The following FRMD4A variants were observed in gnomAD, a reference collection of about 807,000 sequenced individuals.
The protein encoded by FRMD4A is FERM domain-containing protein 4A.
Under a neutral mutation model 129.1 loss-of-function variants are expected in FRMD4A, and 29 were observed. That is an observed-to-expected ratio of 0.22 (90% CI 0.17 to 0.31). The LOEUF (loss-of-function observed/expected upper bound fraction) is 0.31. Among genes scored for constraint, FRMD4A ranks in the 10% least tolerant of loss-of-function variants. The pLI is 1.00. For synonymous variants in FRMD4A, 634 were observed against 571.6 expected (o/e 1.11, Z -1.56); for missense variants, 1,272 against 1,375.8 (o/e 0.92, Z 1.19).
At chr10:14,060,504 G>A (rs931973196) in intron 2 of FRMD4A, among the ~76,000 whole-genome samples, 1 of 152,168 alleles carries the variant, frequency 6.6e-6, no homozygotes, top group Non-Finnish European at 1.5e-5. Flanking sequence ...AGCCAGCCAG[G>A]CACTCTTGCT....
At chr10:14,062,864 G>A (rs913642846) in intron 2 of FRMD4A, among the ~76,000 whole-genome samples, 2 of 152,200 alleles carry the variant, frequency 1.3e-5, no homozygotes, top group African/African-American at 4.8e-5. Context: ...CCAGTGAAAG[G>A]GGAAGATACA....
chr10:13,741,296 CA>C (rs1261423353), intron 9 of FRMD4A, among the ~76,000 whole-genome samples: 18 of 151,894 alleles, frequency 1.2e-4, no homozygotes, highest in African/African-American at 4.4e-4. Context: ...TACAAAAATA[CA>C]AAAATTAGCC....
At chr10:13,721,795 T>A (rs1278537428) in intron 12 of FRMD4A, among the ~76,000 whole-genome samples, 1 of 152,252 alleles carries the variant, frequency 6.6e-6, no homozygotes, top group East Asian at 1.9e-4. Context: ...AGTGATCCAT[T>A]TTGTAAATGG....
chr10:14,263,828 T>C (rs1391209240), intron 2 of FRMD4A, among the ~76,000 whole-genome samples: 1 of 152,094 alleles, frequency 6.6e-6, no homozygotes, highest in Non-Finnish European at 1.5e-5. Flanking sequence ...GCAAACCCAA[T>C]TGAGGCATTC....
chr10:14,176,851 G>A (rs868847064), intron 2 of FRMD4A, among the ~76,000 whole-genome samples: 6 of 151,976 alleles, frequency 3.9e-5, no homozygotes, highest in Non-Finnish European at 7.4e-5. Flanking sequence ...ATTTTTCAGT[G>A]TCAGGGAAGG....
At chr10:14,316,035 T>G (rs549982756) in intron 2 of FRMD4A, among the ~76,000 whole-genome samples, 1 of 152,250 alleles carries the variant, frequency 6.6e-6, no homozygotes, top group Non-Finnish European at 1.5e-5. Flanking sequence ...TGATTGCCTA[T>G]GCAGCAACCA....
chr10:13,898,836 T>C (rs760222910), intron 2 of FRMD4A, among the ~76,000 whole-genome samples: 1 of 152,142 alleles, frequency 6.6e-6, no homozygotes, highest in Non-Finnish European at 1.5e-5. Flanking sequence ...TTGGACTCCT[T>C]TTCCAGGGCA....
intron 2 of FRMD4A, among the ~76,000 whole-genome samples, chr10:14,259,537 G>A (rs535419699): frequency 4.6e-5 from 7 of 152,294 alleles, no homozygotes; most frequent in African/African-American, 1.7e-4. Flanking sequence ...GAAGCCATCT[G>A]CCAATATCAT....
chr10:14,164,666 T>C (rs1332910769), intron 2 of FRMD4A, among the ~76,000 whole-genome samples: 1 of 152,190 alleles, frequency 6.6e-6, no homozygotes, highest in African/African-American at 2.4e-5. Flanking sequence ...TTCAAAGCCC[T>C]GATTTCTCCA....
chr10:14,023,049 C>T (rs896357444), intron 2 of FRMD4A, among the ~76,000 whole-genome samples: 6 of 152,096 alleles, frequency 3.9e-5, no homozygotes, highest in African/African-American at 1.4e-4. Context: ...GCAGTGGCAG[C>T]CAGGCAGAGG....
intron 2 of FRMD4A, among the ~76,000 whole-genome samples, chr10:14,230,594 C>A (rs536400700): frequency 1.3e-5 from 2 of 152,062 alleles, no homozygotes; most frequent in Non-Finnish European, 1.5e-5. Flanking sequence ...TAATTCCTGA[C>A]GAGAATTTTT....
rs1285570869 is a variant in FRMD4A, at chr10:14,098,047, T to TA, written c.45+232010_45+232011insT. Among the ~76,000 whole-genome samples the TA allele has an allele frequency of 4.5e-4, 41 of 91,470 alleles. 5 individuals are homozygous for TA. The highest frequency in any genetic ancestry group is 8.9e-4 in the East Asian group (2 of 2,236). The allele number at this position is 91,470 out of a possible 152,430, so 60.0% of individuals were successfully genotyped here. On this transcript the variant is annotated intron_variant, in intron 2 of 24. Transcript: ENST00000357447. ...TAAATTATAGATTATATATAAATTA[T>TA]TTATTATATAAATTATAGATTATAT...
rs2081136650 is a variant in FRMD4A at position 13,646,708 on chromosome 10, T to C, written c.*330A>G. The C allele has an allele frequency of 6.5e-6, 1 of 152,748 alleles. No individual in the cohort carries two copies. The highest frequency in any genetic ancestry group is 2.4e-5 in the African/African-American group (1 of 41,458). 9.5% of individuals were successfully genotyped at this position (152,748 alleles called of 1,614,324 possible). A position where few individuals can be genotyped will look rare whatever the true frequency, so the allele number is the denominator to read the frequency against. ...CAAGGTGCCATTGAGGATTGGTGTC[T>C]GGCTCTCTATGGGCAAGAGCGCCAG... On this transcript the variant is annotated 3_prime_UTR_variant, in exon 25 of 25. Coordinates refer to ENST00000357447, the MANE Select transcript of FRMD4A (RefSeq NM_018027.5).
At chr10:13,737,275 A>G (rs541795450) in intron 12 of FRMD4A, among the ~76,000 whole-genome samples, 33 of 152,290 alleles carry the variant, frequency 2.2e-4, no homozygotes, top group African/African-American at 7.9e-4. Flanking sequence ...TTTTTAGTAG[A>G]GAGAGGGTTC....
At chr10:14,204,860 C>T (rs1842734884) in intron 2 of FRMD4A, among the ~76,000 whole-genome samples, 1 of 152,008 alleles carries the variant, frequency 6.6e-6, no homozygotes, top group Admixed American at 6.6e-5. Context: ...AAAATCAAGC[C>T]TATTGAACGC....
chr10:14,010,648 A>G (rs2095678502), intron 2 of FRMD4A, among the ~76,000 whole-genome samples: 1 of 123,560 alleles, frequency 8.1e-6, no homozygotes, highest in Non-Finnish European at 1.8e-5. Flanking sequence ...TTCAAAATTA[A>G]TTGTCGAGTT....
At chr10:14,290,240 G>A (rs1845809200) in intron 2 of FRMD4A, among the ~76,000 whole-genome samples, 2 of 152,050 alleles carry the variant, frequency 1.3e-5, no homozygotes, top group Admixed American at 6.5e-5. Context: ...TAAAAGTCAT[G>A]TGGAACTACA....
chr10:13,848,648 C>CG (rs1299631358), intron 3 of FRMD4A, among the ~76,000 whole-genome samples: 9 of 113,832 alleles, frequency 7.9e-5, no homozygotes, highest in Admixed American at 5.3e-4. Flanking sequence ...GTAAACGCGG[C>CG]AGGGGGTTCC....
chr10:13,755,382 A>T (rs1378908579), intron 8 of FRMD4A, among the ~76,000 whole-genome samples: 1 of 152,182 alleles, frequency 6.6e-6, no homozygotes, highest in Non-Finnish European at 1.5e-5. Flanking sequence ...GAAAGAGAAA[A>T]CCAAGAAGGC....
Sources: allele counts gnomAD v4.1 joint callset (sites outside exome capture counted in the v4.1 genomes callset), GRCh38; gene constraint gnomAD v4.1.1; transcripts MANE v1.5; gene names NCBI Gene and HGNC (gene_info 2026-07-23, HGNC 2026-07-21).